COG6: variants seen among roughly 807,000 people sequenced by gnomAD.
COG6 encodes the protein component of oligomeric golgi complex 6, also known as conserved oligomeric Golgi complex subunit 6.
In COG6, 74 loss-of-function variants were observed where a neutral mutation model predicts 88.8. The observed-to-expected ratio is 0.83, with a 90% CI of 0.69 to 1.01. The LOEUF (loss-of-function observed/expected upper bound fraction) is 1.01. COG6 is among the 50% of genes least tolerant of loss of function. The pLI is 0.00. For synonymous variants in COG6, 286 were observed against 278.7 expected (o/e 1.03, Z -0.26); for missense variants, 800 against 797.9 (o/e 1.00, Z -0.03).
In COG6 at chr13:39,719,801, A is replaced by G; in HGVS notation, c.1558A>G (p.Arg520Gly). ...TTLALFEFTD[R>G]RLEMLQFQIE... ...ATTAGCTCTATTTGAATTCACTGAC[A>G]GACGTCTGGAAATGCTACAGTTTCA... Residue 520 changes from arginine to glycine, a missense_variant, in exon 15 of 19, where the codon AGA (arginine) becomes GGA (glycine). Coordinates refer to ENST00000455146, the MANE Select transcript of COG6 (RefSeq NM_020751.3). 2 of 1,612,226 alleles carry G rather than the reference A, an allele frequency of 1.2e-6. No homozygotes were observed. Among genetic ancestry groups the G allele is most frequent in the Admixed American group, 3.3e-5 (2 of 59,866 alleles).
intron 4 of COG6, among the ~76,000 whole-genome samples, chr13:39,672,651 T>C (rs752333318): frequency 6.6e-5 from 10 of 152,100 alleles, no homozygotes; most frequent in Non-Finnish European, 1.0e-4. Flanking sequence ...CACTAGTTGA[T>C]AGACATTTGG....
At chr13:39,772,704 T>C (rs368701512) in intron 18 of COG6, among the ~76,000 whole-genome samples, 3 of 152,368 alleles carry the variant, frequency 2.0e-5, no homozygotes, top group African/African-American at 4.8e-5. Flanking sequence ...GTTCTTGACC[T>C]CTTAAGGATG....
chr13:39,755,155 A>G (rs961179258), downstream of COG6, among the ~76,000 whole-genome samples: 2 of 152,184 alleles, frequency 1.3e-5, no homozygotes, highest in African/African-American at 4.8e-5. Flanking sequence ...GAAACTAATC[A>G]AAAGATCACA....
intron 18 of COG6, among the ~76,000 whole-genome samples, chr13:39,780,332 G>A (rs531324420): frequency 6.6e-6 from 1 of 152,248 alleles, no homozygotes; most frequent in Non-Finnish European, 1.5e-5. Flanking sequence ...GCAACATGAT[G>A]GCTGGCACCA....
At position 39,773,467 on chromosome 13, in the gene COG6, A is replaced by G. The variant is rs181405697; in HGVS notation, c.1827-14868A>G. ...GGACACCATAATTCTCAATTATTAGAAGCTGCGTATGTTTTACCTCTGCTT... is the reference window on the plus strand; with the variant it reads ...GGACACCATAATTCTCAATTATTAGGAGCTGCGTATGTTTTACCTCTGCTT... On this transcript the variant is annotated intron_variant, in intron 18 of 18. Transcript: ENST00000416691. 2.6e-5 allele frequency among the ~76,000 whole-genome samples: 4 copies of G among 152,362 alleles called. No homozygotes were observed. In the East Asian group the frequency reaches 7.7e-4, roughly 29 times the overall value.
intron 5 of COG6, 140 bp downstream of exon 5, chr13:39,677,719 T>C (rs986334897): frequency 8.7e-6 from 5 of 571,582 alleles, no homozygotes; most frequent in South Asian, 7.3e-5. Context: ...TTAAGATGTG[T>C]ATTTTAATTA....
intron 11 of COG6, among the ~76,000 whole-genome samples, chr13:39,691,001 GTTAAA>G (rs1326130511): frequency 4.6e-5 from 7 of 151,830 alleles, no homozygotes; most frequent in African/African-American, 1.2e-4. Flanking sequence ...ACTTCATATA[GTTAAA>G]TTAAACTCCT....
chr13:39,736,489 TCAAGAC>T (rs1213330623), intron 18 of COG6, among the ~76,000 whole-genome samples: 1 of 152,084 alleles, frequency 6.6e-6, no homozygotes, highest in African/African-American at 2.4e-5. Flanking sequence ...GGTCAGGAGT[TCAAGAC>T]CAGCCTAACC....
At chr13:39,766,170 C>A (rs2138170530) in intron 18 of COG6, among the ~76,000 whole-genome samples, 1 of 152,308 alleles carries the variant, frequency 6.6e-6, no homozygotes, top group African/African-American at 2.4e-5. Context: ...GCAGTGGCTA[C>A]ACAGTTGGGG....
intron 18 of COG6, among the ~76,000 whole-genome samples, chr13:39,766,524 T>TACCCCATCCC (rs1881170194): frequency 6.6e-6 from 1 of 152,120 alleles, no homozygotes; most frequent in Non-Finnish European, 1.5e-5. Context: ...TTCCCCATCC[T>TACCCCATCCC]ACCCCATCCC....
Position 39,752,470 on chromosome 13 carries a change from AG to A in COG6, c.*1378del, listed in dbSNP as rs1456685126. On this transcript the variant is annotated 3_prime_UTR_variant, in exon 19 of 19. Transcript: ENST00000455146. ...TTTGATTAGTATGTGTTACATATAAAGACAGAAAATAAAGTATAAATCAAGA... is the reference window on the plus strand; with the variant it reads ...TTTGATTAGTATGTGTTACATATAAAACAGAAAATAAAGTATAAATCAAGA... 61 of 1,103,976 alleles carry A rather than the reference AG, an allele frequency of 5.5e-5. No individual in the cohort carries two copies. The highest frequency in any genetic ancestry group is 6.9e-5 in the Non-Finnish European group (58 of 844,484). 68.4% of individuals were successfully genotyped at this position (1,103,976 alleles called of 1,614,324 possible).
intron 4 of COG6, among the ~76,000 whole-genome samples, chr13:39,668,712 A>C (rs887726064): frequency 8.6e-5 from 13 of 151,468 alleles, no homozygotes; most frequent in Admixed American, 3.9e-4. Flanking sequence ...GGCATGAACC[A>C]GGGAGGCAGA....
intron 18 of COG6, among the ~76,000 whole-genome samples, chr13:39,767,723 C>A (rs577954960): frequency 6.6e-6 from 1 of 152,256 alleles, no homozygotes; most frequent in East Asian, 1.9e-4. Flanking sequence ...AGTATTTCAC[C>A]CCTGCAGTCA....
chr13:39,776,157 G>A (rs1314701569), intron 18 of COG6, among the ~76,000 whole-genome samples: 4 of 152,132 alleles, frequency 2.6e-5, no homozygotes, highest in Admixed American at 1.3e-4. Context: ...AACTACAAAA[G>A]AATAGTAGTA....
chr13:39,735,152 T>G (rs1879666774), intron 18 of COG6, among the ~76,000 whole-genome samples: 1 of 152,104 alleles, frequency 6.6e-6, no homozygotes, highest in East Asian at 1.9e-4. Flanking sequence ...CTTGCTTTCT[T>G]GTTGTTCTGT....
intron 13 of COG6, among the ~76,000 whole-genome samples, chr13:39,715,011 A>G (rs1031557428): frequency 2.0e-5 from 3 of 152,150 alleles, no homozygotes; most frequent in Non-Finnish European, 4.4e-5. Flanking sequence ...CTATGGGTAC[A>G]CAAAGGCACA....
chr13:39,674,183 G>A (rs1875822115), intron 4 of COG6, among the ~76,000 whole-genome samples: 3 of 151,638 alleles, frequency 2.0e-5, no homozygotes, highest in South Asian at 2.1e-4. Context: ...TTTACATTAG[G>A]TATATCTCCA....
Position 39,733,488 on chromosome 13 carries a change from CA to C in COG6, c.1826+5945del, listed in dbSNP as rs1464803561. On this transcript the variant is annotated intron_variant, in intron 18 of 18. Transcript: ENST00000455146. ...ACAGGTGTGAGCCACTGTGCCCGGC[CA>C]AAAAGGAAGAATTCTTTAAAATCAT... Among the ~76,000 whole-genome samples the C allele has an allele frequency of 2.6e-5, 4 of 151,342 alleles. No homozygotes were observed. In the East Asian group the frequency reaches 7.7e-4, roughly 29 times the overall value.
chr13:39,689,041 G>T (rs554208862), intron 10 of COG6, among the ~76,000 whole-genome samples: 6 of 152,158 alleles, frequency 3.9e-5, no homozygotes, highest in Admixed American at 2.0e-4. Context: ...TGTTAGATTG[G>T]CACAAAGTGT....
Sources: allele counts gnomAD v4.1 joint callset (sites outside exome capture counted in the v4.1 genomes callset), GRCh38; gene constraint gnomAD v4.1.1; transcripts MANE v1.5; gene names NCBI Gene and HGNC (gene_info 2026-07-23, HGNC 2026-07-21).